PRTG: variants seen among roughly 807,000 people sequenced by gnomAD.
PRTG encodes the protein immunoglobulin superfamily, DCC subclass, member 5.
In PRTG, 67 loss-of-function variants were observed where a neutral mutation model predicts 122.5. The ratio of observed to expected loss-of-function variants is 0.55; its 90% CI spans 0.45 to 0.67. PRTG has a LOEUF of 0.67. Ranked by LOEUF, PRTG falls within the 30% of genes least tolerant of loss-of-function variation. The probability of loss-of-function intolerance (pLI) is 0.00; values close to 1 mark genes in which losing one functional copy is unlikely to be tolerated. For synonymous variants in PRTG, 554 were observed against 501.1 expected (o/e 1.11, Z -1.41); for missense variants, 1,435 against 1,415.4 (o/e 1.01, Z -0.22).
rs774846331 is a variant in PRTG, at chr15:55,677,996, C to T, written c.1182G>A (p.Gln394=). Reference sequence around the variant, plus strand: ...ATCCTTGGCTATTCTCAGCCATGCACTGATAAATAGCATCATCTTCAGGAA... The same window carrying T: ...ATCCTTGGCTATTCTCAGCCATGCATTGATAAATAGCATCATCTTCAGGAA... ...QIIPEDDAIY[Q]CMAENSQGSI... is the part of the protein sequence containing the mutation. The change falls in exon 8 of 20, where the codon CAG becomes CAA. Residue 394 remains glutamine, a synonymous_variant. Transcript: ENST00000389286. The T allele has an allele frequency of 6.2e-7, 1 of 1,604,012 alleles. No homozygotes were observed. The highest frequency in any genetic ancestry group is 1.1e-5 in the South Asian group (1 of 90,846).
Position 55,612,737 on chromosome 15 carries a change from T to TATATATATATACAC in PRTG, c.*7274_*7275insGTGTATATATATAT, listed in dbSNP as rs2059126340. ...ATATATATATATATATATATATATA[T>TATATATATATACAC]ATATATATATATGACTTAAATTGGA... On this transcript the variant is annotated 3_prime_UTR_variant, in exon 20 of 20. Coordinates refer to ENST00000389286, the MANE Select transcript of PRTG (RefSeq NM_173814.6). 3.7e-5 allele frequency: 2 copies of TATATATATATACAC among 54,314 alleles called. No homozygotes were observed. Among genetic ancestry groups the TATATATATATACAC allele is most frequent in the African/African-American group, 9.2e-5 (2 of 21,652 alleles). The allele number at this position is 54,314 out of a possible 1,614,324, so 3.4% of individuals were successfully genotyped here. A position where few individuals can be genotyped will look rare whatever the true frequency, so the allele number is the denominator to read the frequency against.
chr15:55,700,941 G>GATTCAAT (rs2059660118), intron 2 of PRTG, among the ~76,000 whole-genome samples: 1 of 152,072 alleles, frequency 6.6e-6, no homozygotes. Context: ...ATTAGAAAAC[G>GATTCAAT]ATTCAATAAA....
At chr15:55,725,964 A>C (rs2031015652) in intron 2 of PRTG, among the ~76,000 whole-genome samples, 1 of 151,656 alleles carries the variant, frequency 6.6e-6, no homozygotes, top group African/African-American at 2.4e-5. Context: ...TTTGTTTTTG[A>C]GACAGAGTCT....
In PRTG at chr15:55,639,847, T is replaced by C. The variant is rs764111325; in HGVS notation, c.2138-19A>G. On this transcript the variant is annotated intron_variant, in intron 12 of 19. Coordinates refer to ENST00000389286, the MANE Select transcript of PRTG (RefSeq NM_173814.6). Reference sequence around the variant, plus strand: ...CGAACAGCTATTGAGAAAAACAATGTTAATTTACGATACGACATAACATTT... The same window carrying C: ...CGAACAGCTATTGAGAAAAACAATGCTAATTTACGATACGACATAACATTT... 1.2e-6 allele frequency: 2 copies of C among 1,612,414 alleles called. No homozygotes were observed. Among genetic ancestry groups the C allele is most frequent in the South Asian group, 1.1e-5 (1 of 90,846 alleles).
chr15:55,636,014 A>G (rs2059255922), intron 15 of PRTG, among the ~76,000 whole-genome samples: 1 of 152,090 alleles, frequency 6.6e-6, no homozygotes, highest in Admixed American at 6.5e-5. Flanking sequence ...AAATCTGGCA[A>G]ATGTGACTTG....
At position 55,679,997 on chromosome 15, in the gene PRTG, A is replaced by G. The variant is rs2059527860; in HGVS notation, c.973+57T>C. ...GAAAGAAGTAAGCTATGAATGAGAT[A>G]AAACGGCAAATGTTAAAATGTAAGA... is the stretch of plus-strand genomic sequence containing the variant. On this transcript the variant is annotated intron_variant, in intron 6 of 19. Coordinates refer to ENST00000389286, the MANE Select transcript of PRTG (RefSeq NM_173814.6). The G allele has an allele frequency of 1.3e-5, 18 of 1,430,406 alleles. No homozygotes were observed. The Admixed American group carries it at 2.1e-4, about 17-fold the overall frequency. The allele number at this position is 1,430,406 out of a possible 1,614,324, so 88.6% of individuals were successfully genotyped here. A position where few individuals can be genotyped will look rare whatever the true frequency, so the allele number is the denominator to read the frequency against.
intron 16 of PRTG, among the ~76,000 whole-genome samples, chr15:55,627,834 T>C (rs1484737069): frequency 1.3e-5 from 2 of 152,142 alleles, no homozygotes; most frequent in African/African-American, 4.8e-5. Flanking sequence ...GCAGGGCTTC[T>C]CAAACTTTCA....
In PRTG at chr15:55,666,488, T is replaced by G. The variant is rs1382722616; in HGVS notation, c.2041+5957A>C. ...ATTACAGAAAAAGTTTGCTTATTCCTGGTCTAGATCTTTACTTCTCAAAGT... is the reference window on the plus strand; with the variant it reads ...ATTACAGAAAAAGTTTGCTTATTCCGGGTCTAGATCTTTACTTCTCAAAGT... On this transcript the variant is annotated intron_variant, in intron 11 of 19. Transcript: ENST00000389286. 2.6e-5 allele frequency among the ~76,000 whole-genome samples: 4 copies of G among 152,344 alleles called. No homozygotes were observed. The East Asian group carries it at 5.8e-4, about 22-fold the overall frequency.
intron 2 of PRTG, 116 bp from the exon 3 acceptor site, chr15:55,684,047 C>A: frequency 1.4e-6 from 1 of 704,180 alleles, no homozygotes; most frequent in Non-Finnish European, 2.2e-6. Flanking sequence ...TAAGACCAAC[C>A]TAACTTAACC....
chr15:55,696,731 C>G (rs578144255), intron 2 of PRTG, among the ~76,000 whole-genome samples: 21 of 152,326 alleles, frequency 1.4e-4, no homozygotes, highest in African/African-American at 5.1e-4. Context: ...TACAACTGTA[C>G]TAAATATACA....
At chr15:55,701,663 A>G (rs891229813) in intron 2 of PRTG, among the ~76,000 whole-genome samples, 2 of 152,244 alleles carry the variant, frequency 1.3e-5, no homozygotes, top group African/African-American at 2.4e-5. Flanking sequence ...ATAATCATCC[A>G]AAACTGGAAA....
intron 10 of PRTG, among the ~76,000 whole-genome samples, chr15:55,673,014 A>G (rs1160498258): frequency 1.3e-5 from 2 of 152,174 alleles, no homozygotes; most frequent in Non-Finnish European, 2.9e-5. Context: ...AAGGGTCTAG[A>G]ATTTTGCAGT....
intron 11 of PRTG, chr15:55,655,907 G>A (rs1473093215): frequency 6.6e-6 from 1 of 152,598 alleles, no homozygotes; most frequent in African/African-American, 2.4e-5. Flanking sequence ...CAAGAGTATA[G>A]GGCATTTTTA....
intron 1 of PRTG, 140 bp from the exon 2 acceptor site, chr15:55,740,824 T>C: frequency 1.4e-6 from 1 of 696,506 alleles, no homozygotes; most frequent in Non-Finnish European, 2.3e-6. Context: ...ACAAACACCT[T>C]AATGAACCAA....
chr15:55,634,898 C>T (rs1465850945), intron 15 of PRTG, among the ~76,000 whole-genome samples: 1 of 152,098 alleles, frequency 6.6e-6, no homozygotes, highest in South Asian at 2.1e-4. Flanking sequence ...GAATTACACC[C>T]GCATCGATTC....
intron 5 of PRTG, 105 bp from the exon 6 acceptor site, chr15:55,680,317 A>G (rs576456): frequency 0.99 from 1,140,241 of 1,146,914 alleles, 567,100 homozygotes; most frequent in East Asian, 1. Flanking sequence ...ATAAAATTAA[A>G]TATAAAATTC....
chr15:55,693,723 T>A (rs1205713144), intron 2 of PRTG, among the ~76,000 whole-genome samples: 1 of 152,182 alleles, frequency 6.6e-6, no homozygotes, highest in African/African-American at 2.4e-5. Flanking sequence ...AAATACTTTC[T>A]AAGCACATTG....
intron 2 of PRTG, among the ~76,000 whole-genome samples, chr15:55,709,366 T>C (rs1345544241): frequency 6.8e-6 from 1 of 147,178 alleles, no homozygotes; most frequent in African/African-American, 2.5e-5. Context: ...AAAATATATA[T>C]AAAATATACA....
chr15:55,714,203 C>A (rs1299092572), intron 2 of PRTG, among the ~76,000 whole-genome samples: 3 of 132,396 alleles, frequency 2.3e-5, no homozygotes, highest in Non-Finnish European at 3.3e-5. Context: ...ATCTATTTAT[C>A]TGTCTCTCTC....
Sources: gnomAD v4.1 joint callset for allele counts (sites outside exome capture counted in the v4.1 genomes callset) on GRCh38, gnomAD v4.1.1 for gene constraint, MANE v1.5 for transcripts, NCBI Gene and HGNC (gene_info 2026-07-23, HGNC 2026-07-21) for gene names.